Variants in ITGB8 observed in about 807,000 individuals in gnomAD.
The protein encoded by ITGB8 is integrin beta-8.
ITGB8 carries 30 observed loss-of-function variants against 89.5 expected under a neutral mutation model. The observed-to-expected ratio is 0.34, with a 90% CI of 0.25 to 0.45. The LOEUF (loss-of-function observed/expected upper bound fraction) is 0.45, where lower values mean the gene tolerates loss of function less well. Among genes scored for constraint, ITGB8 ranks in the 20% least tolerant of loss-of-function variants. The pLI, the probability that ITGB8 is intolerant of heterozygous loss-of-function variation, is 1.00. For missense variants in ITGB8, 836 were observed against 933.3 expected (o/e 0.90, Z 1.36); for synonymous variants, 335 against 320.4 (o/e 1.05, Z -0.49).
In ITGB8 at chr7:20,409,759, G is replaced by A. The variant is rs975918181; in HGVS notation, c.2168G>A (p.Arg723Lys). ...AAAATTAAGTCCTCATCAGATTACA[G>A]AGTGTCAGCCTCAAAAAAGGTCAGT... Reference protein sequence around the residue: ...SNKIKSSSDYRVSASKKDKLI... With the variant: ...SNKIKSSSDYKVSASKKDKLI... The change falls in exon 13 of 14, where the codon AGA (arginine) becomes AAA (lysine). Residue 723 changes from arginine (R) to lysine (K), a missense_variant. Physicochemically the swap from Arg to Lys is conservative, Grantham distance 26. Coordinates refer to ENST00000222573, the MANE Select transcript of ITGB8 (RefSeq NM_002214.3). The A allele has an allele frequency of 1.2e-6, 2 of 1,612,998 alleles. No individual in the cohort carries two copies. Among genetic ancestry groups the A allele is most frequent in the African/African-American group, 1.3e-5 (1 of 74,874 alleles).
chr7:20,334,308 G>T (rs1784506858), intron 1 of ITGB8, among the ~76,000 whole-genome samples: 1 of 151,824 alleles, frequency 6.6e-6, no homozygotes. Context: ...TATATCTAGT[G>T]GTTAATATTT....
At chr7:20,364,590 A>C (rs1342519911) in intron 2 of ITGB8, 5 of 152,222 alleles carry the variant, frequency 3.3e-5, no homozygotes, top group Non-Finnish European at 7.3e-5. Flanking sequence ...CTCCCTACTG[A>C]TAGCCTAAAG....
intron 3 of ITGB8, among the ~76,000 whole-genome samples, chr7:20,376,017 A>G (rs1477738582): frequency 1.3e-5 from 2 of 152,156 alleles, no homozygotes; most frequent in East Asian, 3.8e-4. Context: ...GGCTTGTCCT[A>G]CTTGGGAGGA....
chr7:20,391,372 A>T (rs1786846797), intron 6 of ITGB8, 31 bp from the exon 7 acceptor site: 1 of 1,228,440 alleles, frequency 8.1e-7, no homozygotes, highest in Non-Finnish European at 1.2e-6. Context: ...ATGAAATTTC[A>T]TTCCCTTATT....
chr7:20,352,571 T>A (rs1451224886), intron 1 of ITGB8: 1 of 152,216 alleles, frequency 6.6e-6, no homozygotes, highest in Non-Finnish European at 1.5e-5. Flanking sequence ...CTGAAGATAA[T>A]CAAACAGCTA....
At chr7:20,402,222 A>C in intron 10 of ITGB8, 96 bp downstream of exon 10, 4 of 1,083,200 alleles carry the variant, frequency 3.7e-6, no homozygotes, top group Non-Finnish European at 5.1e-6. Flanking sequence ...AAATTAGCAA[A>C]ACTGAATCTG....
chr7:20,392,722 A>G (rs945747994), intron 7 of ITGB8, among the ~76,000 whole-genome samples: 4 of 152,160 alleles, frequency 2.6e-5, no homozygotes, highest in Admixed American at 2.0e-4. Context: ...ATTCTACATC[A>G]TGTATACACA....
At chr7:20,372,553 T>C (rs1785977008) in intron 3 of ITGB8, among the ~76,000 whole-genome samples, 1 of 152,082 alleles carries the variant, frequency 6.6e-6, no homozygotes. Flanking sequence ...TTAAGCTATA[T>C]GAGGCTGAAG....
At position 20,374,955 on chromosome 7, in the gene ITGB8, T is replaced by G. The variant is rs557975048; in HGVS notation, c.389-4096T>G. Among the ~76,000 whole-genome samples the G allele has an allele frequency of 3.3e-5, 5 of 152,144 alleles. No homozygotes were observed. In the East Asian group the frequency reaches 9.6e-4, roughly 29 times the overall value. Reference sequence around the variant, plus strand: ...CGATAGAGGTAGACATATGAAGAGGTTATGGAAATAATCCAGGCAAAAAGA... The same window carrying G: ...CGATAGAGGTAGACATATGAAGAGGGTATGGAAATAATCCAGGCAAAAAGA... On this transcript the variant is annotated intron_variant, in intron 3 of 13. Coordinates refer to ENST00000222573, the MANE Select transcript of ITGB8 (RefSeq NM_002214.3).
intron 1 of ITGB8, among the ~76,000 whole-genome samples, chr7:20,336,000 C>CTTTTTTTTTT (rs201113693): frequency 1.6e-4 from 15 of 96,386 alleles, no homozygotes; most frequent in East Asian, 2.5e-4. Flanking sequence ...TCTTGGTTTT[C>CTTTTTTTTTT]TTTTTTTTTT....
chr7:20,381,565 C>G (rs981978167), intron 5 of ITGB8, 162 bp from the exon 6 acceptor site: 8 of 538,986 alleles, frequency 1.5e-5, no homozygotes, highest in Middle Eastern at 9.5e-4. Flanking sequence ...AGAGGATGTA[C>G]AAATAAAAGT....
intron 1 of ITGB8, among the ~76,000 whole-genome samples, chr7:20,332,493 TAA>T (rs59402581): frequency 0.62 from 93,848 of 150,334 alleles, 30,537 homozygotes; most frequent in East Asian, 0.95. Context: ...CCTTTCGGCT[TAA>T]AAAAAAAAAA....
intron 1 of ITGB8, among the ~76,000 whole-genome samples, chr7:20,349,681 A>AAAC (rs929060695): frequency 3.3e-5 from 5 of 152,214 alleles, no homozygotes; most frequent in East Asian, 3.9e-4. Context: ...AATCTGTATT[A>AAAC]AACAACAACA....
chr7:20,343,429 G>A (rs978072505), intron 1 of ITGB8, among the ~76,000 whole-genome samples: 12 of 152,282 alleles, frequency 7.9e-5, no homozygotes, highest in African/African-American at 2.2e-4. Context: ...GCTGCCTGCT[G>A]TACCCTGCCT....
At chr7:20,375,825 A>G (rs1786118359) in intron 3 of ITGB8, among the ~76,000 whole-genome samples, 1 of 125,150 alleles carries the variant, frequency 8.0e-6, no homozygotes, top group South Asian at 3.3e-4. Flanking sequence ...TAACAAATTC[A>G]GTTACATATA....
At chr7:20,376,120 A>G (rs1786133191) in intron 3 of ITGB8, among the ~76,000 whole-genome samples, 1 of 152,110 alleles carries the variant, frequency 6.6e-6, no homozygotes, top group South Asian at 2.1e-4. Context: ...TATTGCCATT[A>G]AGCACGTGAT....
At chr7:20,395,352 G>A (rs752269152) in intron 8 of ITGB8, among the ~76,000 whole-genome samples, 3 of 152,172 alleles carry the variant, frequency 2.0e-5, no homozygotes, top group Non-Finnish European at 2.9e-5. Context: ...CCACAGTTAC[G>A]TAAGGCAATA....
At chr7:20,383,395 C>G (rs1786480479) in intron 6 of ITGB8, among the ~76,000 whole-genome samples, 1 of 152,164 alleles carries the variant, frequency 6.6e-6, no homozygotes, top group African/African-American at 2.4e-5. Context: ...CCACCTACTT[C>G]TACTTAGTCA....
At chr7:20,353,180 A>G (rs1438722594) in intron 1 of ITGB8, 1 of 152,186 alleles carries the variant, frequency 6.6e-6, no homozygotes, top group Non-Finnish European at 1.5e-5. Flanking sequence ...TTGTCCTAAC[A>G]TTTCTTAACC....
Sources: allele counts gnomAD v4.1 joint callset (sites outside exome capture counted in the v4.1 genomes callset), GRCh38; gene constraint gnomAD v4.1.1; transcripts MANE v1.5; gene names NCBI Gene and HGNC (gene_info 2026-07-23, HGNC 2026-07-21).